The following PAK1 variants were observed in gnomAD, a reference collection of about 807,000 sequenced individuals.
PAK1 encodes p21 (RAC1) activated kinase 1.
In PAK1, 29 loss-of-function variants were observed where a neutral mutation model predicts 67.4. The observed-to-expected ratio is 0.43, with a 90% CI of 0.32 to 0.59. The LOEUF (loss-of-function observed/expected upper bound fraction) is 0.59. Ranked by LOEUF, PAK1 falls within the 20% of genes least tolerant of loss-of-function variation. PAK1 has a pLI of 0.07. For missense variants in PAK1, 337 were observed against 670.7 expected (o/e 0.50, Z 5.50); for synonymous variants, 223 against 237.4 (o/e 0.94, Z 0.56).
chr11:77,492,260 G>A, the PAK1 span, among the ~76,000 whole-genome samples: 4 of 151,894 alleles, frequency 2.6e-5, no homozygotes, highest in African/African-American at 7.3e-5. Context: ...GCCTGAACCC[G>A]GGAGGCAGAG....
At position 77,346,382 on chromosome 11, in the gene PAK1, C is replaced by T. The variant is rs116395059; in HGVS notation, c.886-2451G>A. Among the ~76,000 whole-genome samples the T allele has an allele frequency of 3.1e-3, 474 of 152,298 alleles. 4 individuals are homozygous for T. The highest frequency in any genetic ancestry group is 0.011 in the African/African-American group (444 of 41,566). On this transcript the variant is annotated intron_variant, in intron 9 of 14. Coordinates refer to ENST00000356341, the MANE Select transcript of PAK1 (RefSeq NM_002576.5). ...TTCCTGTAACAGAAAAAGAACTGGA[C>T]TTGAACTCTGAGGACTTAAGCTCAG...
chr11:77,499,434 G>T, the PAK1 span, among the ~76,000 whole-genome samples: 1 of 152,094 alleles, frequency 6.6e-6, no homozygotes, highest in Non-Finnish European at 1.5e-5. Flanking sequence ...TCAGACAAAT[G>T]TTCCTACTAT....
chr11:77,490,311 C>A, the PAK1 span, among the ~76,000 whole-genome samples: 1 of 148,048 alleles, frequency 6.8e-6, no homozygotes, highest in African/African-American at 2.6e-5. Context: ...CGGCCAGCCG[C>A]CCCGTCCGGG....
intron 5 of PAK1, among the ~76,000 whole-genome samples, chr11:77,372,659 T>A (rs565333409): frequency 6.6e-6 from 1 of 152,340 alleles, no homozygotes; most frequent in South Asian, 2.1e-4. Context: ...AACTCCTACA[T>A]GATCTGTCCT....
At chr11:77,476,116 G>C (rs1030658584), upstream of PAK1, 2 of 152,240 alleles carry the variant, frequency 1.3e-5, no homozygotes, top group South Asian at 2.1e-4. Context: ...GTTGTAGGAA[G>C]CTGTGATTGC....
At chr11:77,365,665 T>G (rs909973289) in intron 5 of PAK1, among the ~76,000 whole-genome samples, 2 of 151,848 alleles carry the variant, frequency 1.3e-5, no homozygotes, top group African/African-American at 4.8e-5. Flanking sequence ...AAACCCCATC[T>G]CTACTAAAAA....
At position 77,325,517 on chromosome 11, in the gene PAK1, T is replaced by C. The variant is rs907196126; in HGVS notation, c.1552-2157A>G. 6.0e-6 allele frequency: 5 copies of C among 833,872 alleles called. No homozygotes were observed. The South Asian group carries it at 1.0e-4, about 17-fold the overall frequency. 51.7% of individuals were successfully genotyped at this position (833,872 alleles called of 1,614,324 possible). On this transcript the variant is annotated intron_variant, in intron 14 of 14. Coordinates refer to ENST00000356341, the MANE Select transcript of PAK1 (RefSeq NM_002576.5). ...AATATAACCCATTTATTACTAGTTA[T>C]ATTACTATATCAGGAAGAAAACTTT...
At chr11:77,396,557 C>T (rs114675500) in intron 1 of PAK1, among the ~76,000 whole-genome samples, 4,894 of 152,208 alleles carry the variant, frequency 0.032, 133 homozygotes, top group African/African-American at 0.074. Flanking sequence ...AATAAACAAA[C>T]GAATGAATAA....
At chr11:77,502,701 A>T in the PAK1 span, among the ~76,000 whole-genome samples, 1 of 152,138 alleles carries the variant, frequency 6.6e-6, no homozygotes, top group Non-Finnish European at 1.5e-5. Flanking sequence ...AGCTGCCCTC[A>T]AGGAGCTATG....
In PAK1 at chr11:77,347,170, G is replaced by A. The variant is rs1944558464; in HGVS notation, c.885+2069C>T. ...TCATAGTTTTGTAACCACAAGACAC[G>A]CATACAATGAATTTAAATTTCTCTT... On this transcript the variant is annotated intron_variant, in intron 9 of 14. Coordinates refer to ENST00000356341, the MANE Select transcript of PAK1 (RefSeq NM_002576.5). 3.7e-5 allele frequency: 16 copies of A among 433,584 alleles called. 1 individual carries two copies. Among genetic ancestry groups the A allele is most frequent in the South Asian group, 2.1e-4 (13 of 61,064 alleles). 26.9% of individuals were successfully genotyped at this position (433,584 alleles called of 1,614,324 possible). A position where few individuals can be genotyped will look rare whatever the true frequency, so the allele number is the denominator to read the frequency against.
chr11:77,449,661 GAAT>G (rs901065809), intron 1 of PAK1, among the ~76,000 whole-genome samples: 25 of 131,258 alleles, frequency 1.9e-4, no homozygotes, highest in African/African-American at 6.2e-4. Flanking sequence ...TTGCTGGAAT[GAAT>G]AATGCTTTCC....
intron 1 of PAK1, among the ~76,000 whole-genome samples, chr11:77,429,159 C>T (rs1955744125): frequency 7.2e-6 from 1 of 139,198 alleles, no homozygotes; most frequent in South Asian, 2.6e-4. Context: ...CCTAGAACAT[C>T]TTATTGGGCT....
At chr11:77,404,778 C>A (rs1460723757) in intron 1 of PAK1, among the ~76,000 whole-genome samples, 1 of 152,174 alleles carries the variant, frequency 6.6e-6, no homozygotes, top group Non-Finnish European at 1.5e-5. Context: ...TCTGCTCTTT[C>A]AGCTATGTCA....
At chr11:77,488,494 CAGA>C in the PAK1 span, among the ~76,000 whole-genome samples, 1 of 152,108 alleles carries the variant, frequency 6.6e-6, no homozygotes, top group Non-Finnish European at 1.5e-5. Context: ...TGTGACCTTT[CAGA>C]AGAAGAATTC....
the PAK1 span, among the ~76,000 whole-genome samples, chr11:77,481,449 G>A: frequency 2.6e-5 from 4 of 152,006 alleles, no homozygotes; most frequent in Non-Finnish European, 5.9e-5. Flanking sequence ...GGCCGAGGCG[G>A]GCGGATCACG....
chr11:77,465,911 T>C (rs1313277719), intron 1 of PAK1, among the ~76,000 whole-genome samples: 1 of 152,194 alleles, frequency 6.6e-6, no homozygotes, highest in Non-Finnish European at 1.5e-5. Context: ...ATGGAGCTAC[T>C]GTACTCCAAC....
At chr11:77,426,748 G>C (rs1176345563) in intron 1 of PAK1, among the ~76,000 whole-genome samples, 1 of 150,116 alleles carries the variant, frequency 6.7e-6, no homozygotes, top group Non-Finnish European at 1.5e-5. Context: ...GGCAAAAATT[G>C]AATCTGTATA....
At position 77,429,091 on chromosome 11, in the gene PAK1, A is replaced by C. The variant is rs868551809; in HGVS notation, c.-21-36550T>G. Among the ~76,000 whole-genome samples the C allele has an allele frequency of 9.2e-4, 100 of 108,432 alleles. 1 individual carries two copies. Among genetic ancestry groups the C allele is most frequent in the African/African-American group, 1.7e-3 (32 of 19,386 alleles). The allele number at this position is 108,432 out of a possible 152,430, so 71.1% of individuals were successfully genotyped here. ...AAAAAAAAAAAAAAAAAAAAAAAAAAAAACACACACACACACATCAGGATT... is the reference window on the plus strand; with the variant it reads ...AAAAAAAAAAAAAAAAAAAAAAAAACAAACACACACACACACATCAGGATT... On this transcript the variant is annotated intron_variant, in intron 1 of 14. Coordinates refer to ENST00000356341, the MANE Select transcript of PAK1 (RefSeq NM_002576.5).
intron 1 of PAK1, among the ~76,000 whole-genome samples, chr11:77,429,429 T>G (rs1592440799): frequency 6.6e-6 from 1 of 152,024 alleles, no homozygotes; most frequent in East Asian, 1.9e-4. Context: ...GAGAAAAGAG[T>G]AACTTCACAG....
Sources: allele counts gnomAD v4.1 joint callset (sites outside exome capture counted in the v4.1 genomes callset), GRCh38; gene constraint gnomAD v4.1.1; transcripts MANE v1.5; gene names NCBI Gene and HGNC (gene_info 2026-07-23, HGNC 2026-07-21).